Variants in ADGRV1 observed in about 807,000 individuals in gnomAD.
ADGRV1 encodes adhesion G protein-coupled receptor V1.
Under a neutral mutation model 596.2 loss-of-function variants are expected in ADGRV1, and 359 were observed. The observed-to-expected ratio is 0.60, with a 90% CI of 0.55 to 0.66. The LOEUF (loss-of-function observed/expected upper bound fraction) is 0.66. Ranked by LOEUF, ADGRV1 falls within the 30% of genes least tolerant of loss-of-function variation. The pLI is 0.00. For missense variants in ADGRV1, 7,274 were observed against 7,575.6 expected (o/e 0.96, Z 1.48); for synonymous variants, 2,681 against 2,679.2 (o/e 1.00, Z -0.02).
intron 86 of ADGRV1, among the ~76,000 whole-genome samples, chr5:91,075,092 G>C (rs1268649912): frequency 6.6e-6 from 1 of 152,008 alleles, no homozygotes; most frequent in East Asian, 1.9e-4. Context: ...TTAGACCATT[G>C]TGAGCGCATA....
intron 21 of ADGRV1, among the ~76,000 whole-genome samples, chr5:90,667,928 C>G (rs2149518215): frequency 6.6e-6 from 1 of 152,126 alleles, no homozygotes; most frequent in African/African-American, 2.4e-5. Context: ...GCTCGGGGGT[C>G]AGGGGTCAGG....
intron 33 of ADGRV1, among the ~76,000 whole-genome samples, chr5:90,695,382 A>G (rs1747051150): frequency 1.3e-5 from 2 of 152,126 alleles, no homozygotes; most frequent in African/African-American, 4.8e-5. Flanking sequence ...TGGGAAAGTT[A>G]GTATGTTTAA....
intron 78 of ADGRV1, chr5:90,846,687 G>A (rs549659121): frequency 2.6e-5 from 4 of 152,900 alleles, no homozygotes; most frequent in African/African-American, 7.2e-5. Context: ...TGGACCCAAA[G>A]AGTGAGCAGT....
intron 83 of ADGRV1, among the ~76,000 whole-genome samples, chr5:90,936,832 C>T: frequency 6.6e-6 from 1 of 151,814 alleles, no homozygotes; most frequent in Non-Finnish European, 1.5e-5. Flanking sequence ...GGTTTTTTTG[C>T]TACTTTTTAA....
At chr5:90,593,450 G>A (rs1292550007) in intron 1 of ADGRV1, among the ~76,000 whole-genome samples, 1 of 151,904 alleles carries the variant, frequency 6.6e-6, no homozygotes, top group Admixed American at 6.6e-5. Context: ...AGGGCCTGCC[G>A]TGGGGTGGGG....
intron 87 of ADGRV1, among the ~76,000 whole-genome samples, chr5:91,135,178 C>CAAA (rs70973732): frequency 1.1e-5 from 1 of 93,016 alleles, no homozygotes; most frequent in Non-Finnish European, 2.3e-5. Flanking sequence ...GACTCCATCT[C>CAAA]AAAAAAAAAA....
At chr5:90,966,530 CAAAAAAAAAAA>C (rs67304974) in intron 84 of ADGRV1, among the ~76,000 whole-genome samples, 2 of 100,728 alleles carry the variant, frequency 2.0e-5, no homozygotes, top group African/African-American at 7.8e-5. Flanking sequence ...GAAACTCTGC[CAAAAAAAAAAA>C]AAAAAAAAAT....
intron 17 of ADGRV1, among the ~76,000 whole-genome samples, chr5:90,650,434 T>G (rs1409292773): frequency 6.6e-6 from 1 of 152,232 alleles, no homozygotes; most frequent in Non-Finnish European, 1.5e-5. Flanking sequence ...ACACAATGAT[T>G]TGCTATTTTT....
At chr5:91,075,382 T>C (rs975198185) in intron 86 of ADGRV1, among the ~76,000 whole-genome samples, 9 of 152,192 alleles carry the variant, frequency 5.9e-5, no homozygotes, top group Non-Finnish European at 1.2e-4. Flanking sequence ...ACATAGTGAC[T>C]TAATTCTTTG....
intron 83 of ADGRV1, among the ~76,000 whole-genome samples, chr5:90,895,996 G>T (rs1025803837): frequency 1.3e-5 from 2 of 151,686 alleles, no homozygotes; most frequent in African/African-American, 2.4e-5. Flanking sequence ...GCCAATGGGG[G>T]TGCAGATAAG....
intron 9 of ADGRV1, among the ~76,000 whole-genome samples, chr5:90,632,285 TG>T (rs1408144664): frequency 6.6e-6 from 1 of 152,180 alleles, no homozygotes; most frequent in Non-Finnish European, 1.5e-5. Context: ...CATGGAAGCC[TG>T]GGCATTCTGG....
chr5:90,625,292 G>T, intron 6 of ADGRV1, 49 bp downstream of exon 6: 1 of 1,176,256 alleles, frequency 8.5e-7, no homozygotes, highest in Admixed American at 1.8e-5. Context: ...TGTGTTGCAG[G>T]ACACAGTCCT....
At chr5:90,720,906 G>T in intron 44 of ADGRV1, 29 bp from the exon 45 acceptor site, 2 of 1,576,188 alleles carry the variant, frequency 1.3e-6, no homozygotes, top group South Asian at 1.2e-5. Context: ...TACTTTTTCT[G>T]CTTCCCTCAA....
At chr5:90,808,979 C>A (rs1327783618) in intron 73 of ADGRV1, among the ~76,000 whole-genome samples, 1 of 149,146 alleles carries the variant, frequency 6.7e-6, no homozygotes, top group Non-Finnish European at 1.5e-5. Flanking sequence ...TGGAGACTCG[C>A]TCTTTCGCCC....
In ADGRV1 at chr5:90,672,668, T is replaced by C. The variant is rs750212790; in HGVS notation, c.4875T>C (p.Asp1625=). 6.2e-7 allele frequency: 1 copy of C among 1,613,714 alleles called. No individual in the cohort carries two copies. Among genetic ancestry groups the C allele is most frequent in the South Asian group, 1.1e-5 (1 of 91,032 alleles). Residue 1625 remains aspartate (D), a synonymous_variant, in exon 22 of 90, where the codon GAT becomes GAC. Coordinates refer to ENST00000405460, the MANE Select transcript of ADGRV1 (RefSeq NM_032119.4). ...IETDGINYLV[D]DFANASGTIT... ...CTGATGGCATTAATTACCTTGTTGA[T>C]GACTTTGCTAATGCCAGTGGAACTA...
intron 83 of ADGRV1, among the ~76,000 whole-genome samples, chr5:90,881,102 C>T (rs892588409): frequency 4.6e-5 from 7 of 152,138 alleles, no homozygotes; most frequent in African/African-American, 1.2e-4. Context: ...TGAGGGTAAA[C>T]ACCAATGTGA....
intron 9 of ADGRV1, among the ~76,000 whole-genome samples, chr5:90,631,414 T>C (rs1198510151): frequency 6.6e-6 from 1 of 152,160 alleles, no homozygotes; most frequent in Admixed American, 6.5e-5. Context: ...GTGGGTGACC[T>C]GTTACGGGGA....
chr5:90,588,324 TA>T (rs963043123), intron 1 of ADGRV1, among the ~76,000 whole-genome samples: 1 of 152,244 alleles, frequency 6.6e-6, no homozygotes, highest in African/African-American at 2.4e-5. Context: ...TGGATTCATA[TA>T]AATGTGTTAT....
chr5:90,601,374 C>T (rs1580412672), intron 1 of ADGRV1, among the ~76,000 whole-genome samples: 1 of 152,142 alleles, frequency 6.6e-6, no homozygotes. Context: ...CCACTAGGAA[C>T]TCCACTTACC....
Sources: gnomAD v4.1 joint callset for allele counts (sites outside exome capture counted in the v4.1 genomes callset) on GRCh38, gnomAD v4.1.1 for gene constraint, MANE v1.5 for transcripts, NCBI Gene and HGNC (gene_info 2026-07-23, HGNC 2026-07-21) for gene names.